SYT6: variants seen among roughly 807,000 people sequenced by gnomAD.
The protein encoded by SYT6 is synaptotagmin 6, also known as synaptotagmin-6.
In SYT6, 24 loss-of-function variants were observed where a neutral mutation model predicts 38.4. The ratio of observed to expected loss-of-function variants is 0.62; its 90% CI spans 0.45 to 0.88. SYT6 has a LOEUF of 0.88. Among genes scored for constraint, SYT6 ranks in the 40% least tolerant of loss-of-function variants. The pLI is 0.00. For missense variants in SYT6, 611 were observed against 621.0 expected, an observed-to-expected ratio of 0.98 and a Z score of 0.17; for synonymous variants, 265 against 241.9, an observed-to-expected ratio of 1.10 and a Z score of -0.89.
At chr1:114,151,381 G>A (rs1419370873) in intron 1 of SYT6, among the ~76,000 whole-genome samples, 1 of 152,056 alleles carries the variant, frequency 6.6e-6, no homozygotes, top group Non-Finnish European at 1.5e-5. Context: ...AGCCTGCAGG[G>A]AAGGCATAGT....
rs1194973245 is a variant in SYT6 at position 114,139,963 on chromosome 1, C to G, written c.164G>C (p.Gly55Ala). ...PERSPSAAGA[G>A]TSVSLLAVVV... ...AACTGCGAGGAGGCTGACAGAGGTG[C>G]CTGCCCTCGGCATGAGCCAGGCAGG... Residue 55 changes from glycine (G) to alanine (A), a missense_variant and splice_region_variant, in exon 2 of 8, where the codon GGC becomes GCC. Coordinates refer to ENST00000610222, the MANE Select transcript of SYT6 (RefSeq NM_001253772.2). The G allele has an allele frequency of 5.4e-6, 8 of 1,492,214 alleles. No individual in the cohort carries two copies. Among genetic ancestry groups the G allele is most frequent in the Non-Finnish European group, 7.1e-6 (8 of 1,122,198 alleles). 92.4% of individuals were successfully genotyped at this position (1,492,214 alleles called of 1,614,324 possible). A position where few individuals can be genotyped will look rare whatever the true frequency, so the allele number is the denominator to read the frequency against.
chr1:114,103,551 A>G (rs775471761), intron 4 of SYT6, 50 bp downstream of exon 4: 12 of 1,606,336 alleles, frequency 7.5e-6, no homozygotes, highest in Middle Eastern at 1.7e-4. Flanking sequence ...ACACCCTTCC[A>G]AATCCTAATG....
intron 3 of SYT6, among the ~76,000 whole-genome samples, chr1:114,136,115 A>AGCTATG (rs1678469150): frequency 6.6e-6 from 1 of 152,200 alleles, no homozygotes; most frequent in Non-Finnish European, 1.5e-5. Flanking sequence ...GACTGGTCAA[A>AGCTATG]GTCAGCACAA....
rs72690077 is a variant in SYT6 at position 114,119,268 on chromosome 1, G to A, written c.1072-15547C>T. On this transcript the variant is annotated intron_variant, in intron 3 of 7. Coordinates refer to ENST00000610222, the MANE Select transcript of SYT6 (RefSeq NM_001253772.2). The stretch of plus-strand genomic sequence containing the variant: ...GTTTTCCAGCTCCCAGGCTAAGCTG[G>A]AATCCCTTTCTCTTACTTTCCAATT... Among the ~76,000 whole-genome samples, 1,041 of 152,264 alleles carry A rather than the reference G, an allele frequency of 6.8e-3. 16 individuals are homozygous for A. Among genetic ancestry groups the A allele is most frequent in the Middle Eastern group, 0.01 (3 of 294 alleles).
intron 3 of SYT6, among the ~76,000 whole-genome samples, chr1:114,109,184 C>A (rs942272954): frequency 6.6e-6 from 1 of 152,158 alleles, no homozygotes; most frequent in Non-Finnish European, 1.5e-5. Context: ...GCAACACAGG[C>A]CTCCTCTTCA....
chr1:114,139,822 G>T lies in SYT6; in HGVS notation c.305C>A (p.Pro102His), dbSNP rs199728827. Reference protein sequence around the residue: ...EASSPSSANPPLEALQSPSFR... With the variant: ...EASSPSSANPHLEALQSPSFR... Reference sequence around the variant, plus strand: ...GCTGGGGCTCTGGAGGGCTTCCAAGGGGGGATTAGCAGAAGAGGGACTGGA... The same window carrying T: ...GCTGGGGCTCTGGAGGGCTTCCAAGTGGGGATTAGCAGAAGAGGGACTGGA... The change falls in exon 2 of 8, where the codon CCC (proline) becomes CAC (histidine). Residue 102 changes from proline (P) to histidine (H), a missense_variant. Coordinates refer to ENST00000610222, the MANE Select transcript of SYT6 (RefSeq NM_001253772.2). 6.2e-7 allele frequency: 1 copy of T among 1,603,246 alleles called. No homozygotes were observed. The highest frequency in any genetic ancestry group is 2.2e-5 in the East Asian group (1 of 44,756).
chr1:114,090,985 G>T lies in SYT6; in HGVS notation c.*1149C>A, dbSNP rs1245552433. 6.5e-6 allele frequency: 1 copy of T among 152,870 alleles called. No individual in the cohort carries two copies. 9.5% of individuals were successfully genotyped at this position (152,870 alleles called of 1,614,324 possible). On this transcript the variant is annotated 3_prime_UTR_variant, in exon 8 of 8. Coordinates refer to ENST00000610222, the MANE Select transcript of SYT6 (RefSeq NM_001253772.2). ...GATGAATATTGTCAAAGAGCCAAAG[G>T]GGCTGAAATAGGCTTACGCTGACTC...
chr1:114,139,366 CCA>C lies in SYT6; in HGVS notation c.512+247_512+248del, dbSNP rs895109377. On this transcript the variant is annotated intron_variant, in intron 2 of 7. Coordinates refer to ENST00000610222, the MANE Select transcript of SYT6 (RefSeq NM_001253772.2). ...TTCCACTATTCCATTCCCCTCACAC[CCA>C]CACACACCCCAAGTGCAAACCACAT... Among the ~76,000 whole-genome samples the C allele has an allele frequency of 2.6e-5, 4 of 152,148 alleles. No homozygotes were observed. In the South Asian group the frequency reaches 8.3e-4, roughly 32 times the overall value.
At chr1:114,117,805 CTG>C (rs900055273) in intron 3 of SYT6, among the ~76,000 whole-genome samples, 1 of 152,252 alleles carries the variant, frequency 6.6e-6, no homozygotes, top group Non-Finnish European at 1.5e-5. Flanking sequence ...GGGCAAGTCA[CTG>C]TGCCTCCCTG....
At chr1:114,138,162 C>T (rs1474973791) in intron 2 of SYT6, 109 bp from the exon 3 acceptor site, 1 of 1,098,834 alleles carries the variant, frequency 9.1e-7, no homozygotes, top group Non-Finnish European at 1.3e-6. Context: ...CCTTGTTGAG[C>T]CCCCTTTTCC....
In SYT6 at chr1:114,149,217, T is replaced by TTGTGTGTGTGTGTGTG. The variant is rs879834403; in HGVS notation, c.163+4377_163+4392dup. ...TCTGAGAGAGAGAGAGAGAGAGAGA[T>TTGTGTGTGTGTGTGTG]TGTGTGTGTGTGTGTGTGTGTGTTG... is the stretch of plus-strand genomic sequence containing the variant. On this transcript the variant is annotated intron_variant, in intron 1 of 7. Coordinates refer to ENST00000610222, the MANE Select transcript of SYT6 (RefSeq NM_001253772.2). 3.2e-3 allele frequency among the ~76,000 whole-genome samples: 120 copies of TTGTGTGTGTGTGTGTG among 38,020 alleles called. 1 individual carries two copies. Among genetic ancestry groups the TTGTGTGTGTGTGTGTG allele is most frequent in the African/African-American group, 0.013 (113 of 8,430 alleles). 24.9% of individuals were successfully genotyped at this position (38,020 alleles called of 152,430 possible).
chr1:114,141,185 A>G (rs1199576481), intron 1 of SYT6, among the ~76,000 whole-genome samples: 1 of 152,254 alleles, frequency 6.6e-6, no homozygotes, highest in Non-Finnish European at 1.5e-5. Context: ...TGAGGATGGC[A>G]TATCAAAAGC....
At chr1:114,094,721 C>G (rs892255307) in intron 6 of SYT6, among the ~76,000 whole-genome samples, 1 of 152,182 alleles carries the variant, frequency 6.6e-6, no homozygotes, top group African/African-American at 2.4e-5. Context: ...AAGATAAATA[C>G]AGAGGGCTTT....
At chr1:114,144,439 G>A (rs959609760) in intron 1 of SYT6, among the ~76,000 whole-genome samples, 4 of 152,124 alleles carry the variant, frequency 2.6e-5, no homozygotes, top group African/African-American at 9.7e-5. Context: ...CACAGAACCT[G>A]GACTAGGGTC....
chr1:114,142,209 T>C (rs1678900924), intron 1 of SYT6, among the ~76,000 whole-genome samples: 2 of 152,246 alleles, frequency 1.3e-5, no homozygotes, highest in Non-Finnish European at 2.9e-5. Flanking sequence ...TCACCATTCT[T>C]GATGCCATTA....
intron 1 of SYT6, among the ~76,000 whole-genome samples, chr1:114,144,728 C>A (rs572016600): frequency 6.6e-6 from 1 of 152,130 alleles, no homozygotes; most frequent in African/African-American, 2.4e-5. Context: ...CTAAGGGGAT[C>A]CAGGTACTCC....
intron 3 of SYT6, among the ~76,000 whole-genome samples, chr1:114,132,262 T>C (rs964359561): frequency 6.6e-6 from 1 of 152,148 alleles, no homozygotes; most frequent in South Asian, 2.1e-4. Flanking sequence ...GGAATGTGGC[T>C]CATGGGAAAA....
rs74484259 is a variant in SYT6, at chr1:114,146,430, C to T, written c.164-6467G>A. On this transcript the variant is annotated intron_variant, in intron 1 of 7. Transcript: ENST00000610222. ...CCACTCTGGGCTTGCTGGGGCCAAC[C>T]CACTGGGACATGTCCCCTAGGAAAT... Among the ~76,000 whole-genome samples, 61 of 152,296 alleles carry T rather than the reference C, an allele frequency of 4.0e-4. 1 individual carries two copies. The South Asian group carries it at 0.012, about 31-fold the overall frequency.
At chr1:114,118,268 A>C (rs1677121382) in intron 3 of SYT6, among the ~76,000 whole-genome samples, 1 of 152,198 alleles carries the variant, frequency 6.6e-6, no homozygotes, top group African/African-American at 2.4e-5. Flanking sequence ...TCCTCCAAAA[A>C]TTACAGGCCG....
Sources: gnomAD v4.1 joint callset for allele counts (sites outside exome capture counted in the v4.1 genomes callset) on GRCh38, gnomAD v4.1.1 for gene constraint, MANE v1.5 for transcripts, NCBI Gene and HGNC (gene_info 2026-07-23, HGNC 2026-07-21) for gene names.